Variants in GLI3 observed in about 807,000 individuals in gnomAD.
The protein encoded by GLI3 is transcription activator GLI3.
A neutral mutation model predicts 100.8 loss-of-function variants in GLI3; 20 were observed. The ratio of observed to expected loss-of-function variants is 0.20; its 90% CI spans 0.14 to 0.29. GLI3 has a LOEUF of 0.29. GLI3 is among the 10% of genes least tolerant of loss of function. GLI3 has a pLI of 1.00. For synonymous variants in GLI3, 938 were observed against 860.5 expected (o/e 1.09, Z -1.58); for missense variants, 2,040 against 2,128.5 (o/e 0.96, Z 0.82).
At chr7:42,243,939 T>G (rs1165906610) in intron 1 of GLI3, among the ~76,000 whole-genome samples, 1 of 152,216 alleles carries the variant, frequency 6.6e-6, no homozygotes, top group Non-Finnish European at 1.5e-5. Context: ...GTTCAACCAA[T>G]TTTCCTGCCT....
chr7:42,122,012 T>G (rs699496), intron 3 of GLI3, among the ~76,000 whole-genome samples: 34,811 of 151,996 alleles, frequency 0.23, 4,264 homozygotes, highest in Admixed American at 0.34. Flanking sequence ...TTGAGGGCCA[T>G]TACCTCCCAG....
chr7:42,118,769 T>A (rs1222526742), intron 3 of GLI3, among the ~76,000 whole-genome samples: 5 of 152,210 alleles, frequency 3.3e-5, no homozygotes, highest in Admixed American at 2.6e-4. Flanking sequence ...AACTTGCTCA[T>A]TTGACACAGT....
chr7:41,962,606 C>G lies in GLI3; in HGVS notation c.*1724G>C, dbSNP rs1787038332. 1 of 152,144 alleles carries G rather than the reference C, an allele frequency of 6.6e-6. No homozygotes were observed. 9.4% of individuals were successfully genotyped at this position (152,144 alleles called of 1,614,324 possible). A position where few individuals can be genotyped will look rare whatever the true frequency, so the allele number is the denominator to read the frequency against. Reference sequence around the variant, plus strand: ...TTGAAAGCAAACCTAATAGTCTTAGCCAAAGTCCCCAGTGGCAAATCAACC... The same window carrying G: ...TTGAAAGCAAACCTAATAGTCTTAGGCAAAGTCCCCAGTGGCAAATCAACC... On this transcript the variant is annotated 3_prime_UTR_variant, in exon 15 of 15. Coordinates refer to ENST00000395925, the MANE Select transcript of GLI3 (RefSeq NM_000168.6).
chr7:42,059,009 A>G (rs572906394), intron 4 of GLI3, among the ~76,000 whole-genome samples: 13 of 152,200 alleles, frequency 8.5e-5, no homozygotes, highest in Non-Finnish European at 1.8e-4. Context: ...AGTACTTGAG[A>G]GCTAAATGAC....
At chr7:42,139,687 T>C (rs186839053) in intron 3 of GLI3, among the ~76,000 whole-genome samples, 117 of 152,078 alleles carry the variant, frequency 7.7e-4, no homozygotes, top group African/African-American at 2.7e-3. Context: ...CTCAAAAAAA[T>C]ATATATATGA....
At chr7:42,173,606 C>T (rs912238162) in intron 2 of GLI3, among the ~76,000 whole-genome samples, 5 of 152,166 alleles carry the variant, frequency 3.3e-5, no homozygotes, top group African/African-American at 4.8e-5. Flanking sequence ...CTGCCAGAGT[C>T]TGATGAGAGC....
Position 41,964,330 on chromosome 7 carries a change from C to T in GLI3, c.4743G>A (p.Ter1581=). 4 of 1,613,490 alleles carry T rather than the reference C, an allele frequency of 2.5e-6. No homozygotes were observed. Among genetic ancestry groups the T allele is most frequent in the Non-Finnish European group, 3.4e-6 (4 of 1,179,482 alleles). ...GGTTGCAGTCTTTTTTTCCTAAAGC[C>T]TATTGCATAACTGCAAGGAATTTGC... ...EESKFLAVMQ[*] Residue 1581 remains the stop codon, a stop_retained_variant, in exon 15 of 15, where the codon TAG becomes TAA. Coordinates refer to ENST00000395925, the MANE Select transcript of GLI3 (RefSeq NM_000168.6).
chr7:41,976,317 C>T (rs1430891531), intron 12 of GLI3, among the ~76,000 whole-genome samples: 1 of 152,190 alleles, frequency 6.6e-6, no homozygotes, highest in Non-Finnish European at 1.5e-5. Flanking sequence ...ACTCCAGTTT[C>T]CATGACCTTT....
chr7:42,179,688 G>A (rs1022083984), intron 2 of GLI3, among the ~76,000 whole-genome samples: 2 of 152,162 alleles, frequency 1.3e-5, no homozygotes, highest in African/African-American at 4.8e-5. Context: ...TGGGATGTGT[G>A]TGTGGCAAGG....
chr7:42,049,315 C>A (rs1784306786), intron 4 of GLI3, among the ~76,000 whole-genome samples: 1 of 152,148 alleles, frequency 6.6e-6, no homozygotes, highest in Non-Finnish European at 1.5e-5. Context: ...TGTTTAACTT[C>A]CCAGGGCCTC....
chr7:41,974,870 T>C (rs1357955930), intron 12 of GLI3, among the ~76,000 whole-genome samples: 1 of 152,228 alleles, frequency 6.6e-6, no homozygotes, highest in Non-Finnish European at 1.5e-5. Flanking sequence ...GCAGAACCAC[T>C]TCATGCACCT....
intron 3 of GLI3, among the ~76,000 whole-genome samples, chr7:42,095,873 T>C (rs959520734): frequency 1.3e-5 from 2 of 151,956 alleles, no homozygotes; most frequent in Non-Finnish European, 2.9e-5. Context: ...ACATCAGAGT[T>C]AGTGATATCT....
intron 1 of GLI3, among the ~76,000 whole-genome samples, chr7:42,256,650 C>T (rs946608743): frequency 3.9e-5 from 6 of 152,128 alleles, no homozygotes; most frequent in Admixed American, 6.5e-5. Flanking sequence ...TATGCCTATC[C>T]TGCATTAATA....
At chr7:42,156,097 T>C (rs566443749) in intron 2 of GLI3, among the ~76,000 whole-genome samples, 1 of 152,234 alleles carries the variant, frequency 6.6e-6, no homozygotes, top group East Asian at 1.9e-4. Flanking sequence ...GTACTAACCA[T>C]CTTTCAAAGC....
chr7:41,972,274 G>C lies in GLI3; in HGVS notation c.2103+63C>G. On this transcript the variant is annotated intron_variant, in intron 13 of 14. Transcript: ENST00000395925. The surrounding 1 kb of genome is among the most constrained non-coding windows in gnomAD (Gnocchi z 4.4). ...GGACCGGGAAGTCCTGTCCCTCTAT[G>C]CACCCTACCTGGCTCTTTTAAATGG... The C allele has an allele frequency of 6.7e-7, 1 of 1,483,332 alleles. No individual in the cohort carries two copies. 91.9% of individuals were successfully genotyped at this position (1,483,332 alleles called of 1,614,324 possible). A position where few individuals can be genotyped will look rare whatever the true frequency, so the allele number is the denominator to read the frequency against.
At chr7:42,141,626 C>T (rs1351118413) in intron 3 of GLI3, among the ~76,000 whole-genome samples, 2 of 152,060 alleles carry the variant, frequency 1.3e-5, no homozygotes, top group East Asian at 3.9e-4. Flanking sequence ...GAGCCAAGAT[C>T]GCACCACTGC....
chr7:42,023,187 A>G (rs560776167), intron 10 of GLI3, among the ~76,000 whole-genome samples: 41 of 152,242 alleles, frequency 2.7e-4, no homozygotes, highest in Non-Finnish European at 4.6e-4. Context: ...CTCAATAACC[A>G]TCAAAGTCGC....
chr7:42,061,490 G>T (rs1259825772), intron 4 of GLI3, among the ~76,000 whole-genome samples: 1 of 151,988 alleles, frequency 6.6e-6, no homozygotes, highest in Non-Finnish European at 1.5e-5. Context: ...TGTCCAACAA[G>T]GAACTATCAT....
In GLI3 at chr7:42,228,511, G is replaced by T. The variant is rs73311733; in HGVS notation, c.-42-5216C>A. Among the ~76,000 whole-genome samples, 1,469 of 152,282 alleles carry T rather than the reference G, an allele frequency of 9.6e-3. 20 individuals carry two copies. The highest frequency in any genetic ancestry group is 0.034 in the African/African-American group (1,410 of 41,558). The stretch of plus-strand genomic sequence containing the variant: ...TCACCCTGCTCCTCGGAATATTCAC[G>T]GGCATTTGCAAACTCTACAGTTGGC... On this transcript the variant is annotated intron_variant, in intron 1 of 14. Coordinates refer to ENST00000395925, the MANE Select transcript of GLI3 (RefSeq NM_000168.6).
Sources: gnomAD v4.1 joint callset for allele counts (sites outside exome capture counted in the v4.1 genomes callset) on GRCh38, gnomAD v4.1.1 for gene constraint, Gnocchi (gnomAD v3.1) non-coding constraint, MANE v1.5 for transcripts, NCBI Gene and HGNC (gene_info 2026-07-23, HGNC 2026-07-21) for gene names.